The following NTRK3 variants were observed in gnomAD, a reference collection of about 807,000 sequenced individuals.
NTRK3 encodes NT-3 growth factor receptor.
In NTRK3, 24 loss-of-function variants were observed where a neutral mutation model predicts 91.7. The ratio of observed to expected loss-of-function variants is 0.26; its 90% confidence interval spans 0.19 to 0.37. The LOEUF is 0.37. Among genes scored for constraint, NTRK3 ranks in the 10% least tolerant of loss-of-function variants. The probability of loss-of-function intolerance (pLI) is 1.00; values close to 1 mark genes in which losing one functional copy is unlikely to be tolerated. For missense variants in NTRK3, 880 were observed against 1,068.9 expected, an observed-to-expected ratio of 0.82 and a Z score of 2.46; for synonymous variants, 483 against 404.0, an observed-to-expected ratio of 1.20 and a Z score of -2.34.
At chr15:88,123,775 GT>G (rs1490277461) in intron 13 of NTRK3, among the ~76,000 whole-genome samples, 1 of 152,202 alleles carries the variant, frequency 6.6e-6, no homozygotes, top group African/African-American at 2.4e-5. Flanking sequence ...TTGGCAATTG[GT>G]TGAAAGAGTT....
intron 14 of NTRK3, among the ~76,000 whole-genome samples, chr15:88,024,470 G>T (rs2077859036): frequency 6.6e-6 from 1 of 152,154 alleles, no homozygotes; most frequent in South Asian, 2.1e-4. Flanking sequence ...CTGACTGAAG[G>T]AGTAAAAGAG....
intron 13 of NTRK3, among the ~76,000 whole-genome samples, chr15:88,053,243 G>A (rs1422325892): frequency 6.6e-6 from 1 of 152,206 alleles, no homozygotes; most frequent in Non-Finnish European, 1.5e-5. Context: ...AGAGAGTAAT[G>A]AGGCTAATTT....
intron 13 of NTRK3, among the ~76,000 whole-genome samples, chr15:88,115,135 G>C (rs572851223): frequency 4.0e-4 from 61 of 152,188 alleles, no homozygotes; most frequent in African/African-American, 1.4e-3. Flanking sequence ...TTCCAGAAAG[G>C]CTACCCCATT....
rs914780802 is a variant in NTRK3, at chr15:88,142,317, G to A, written c.465-4756C>T. ...AGGCAGTCGCATTAATAATACAGCA[G>A]CAGCTGCTGCAAGGCAAAGCTTACC... On this transcript the variant is annotated intron_variant, in intron 6 of 18. Transcript: ENST00000394480. Among the ~76,000 whole-genome samples the A allele has an allele frequency of 3.9e-5, 6 of 152,364 alleles. No individual in the cohort carries two copies. In the East Asian group the frequency reaches 1.2e-3, roughly 29 times the overall value.
At chr15:87,873,662 T>C (rs952251119) in exon 19 of NTRK3, 1 of 231,820 alleles carries the variant, frequency 4.3e-6, no homozygotes, top group Admixed American at 5.6e-5. Flanking sequence ...TATTGGCTAA[T>C]AGGATGTCAT....
chr15:87,880,503 C>T, intron 17 of NTRK3, 75 bp from the exon 19 acceptor site: 1 of 1,458,782 alleles, frequency 6.9e-7, no homozygotes, highest in Non-Finnish European at 9.5e-7. Context: ...GCACTCTTCA[C>T]ACATAGATGC....
chr15:88,201,321 T>C (rs1233691516), intron 3 of NTRK3, among the ~76,000 whole-genome samples: 1 of 152,166 alleles, frequency 6.6e-6, no homozygotes, highest in Non-Finnish European at 1.5e-5. Context: ...TCAAAATGAC[T>C]AAAAGCTGCA....
chr15:87,905,517 T>C lies in NTRK3; in HGVS notation c.2133+23674A>G, dbSNP rs2066713831. Reference sequence around the variant, plus strand: ...AAATGCAACATTACACAGTGATATTTAGGTTAAATATAACCATCATATCTG... The same window carrying C: ...AAATGCAACATTACACAGTGATATTCAGGTTAAATATAACCATCATATCTG... On this transcript the variant is annotated intron_variant, in intron 17 of 18. Transcript: ENST00000394480. 2.6e-5 allele frequency among the ~76,000 whole-genome samples: 4 copies of C among 152,332 alleles called. No individual in the cohort carries two copies. The South Asian group carries it at 8.3e-4, about 32-fold the overall frequency.
chr15:88,050,530 T>TTTGTATAGAAAGCATAGCTGAG (rs1197714771), intron 13 of NTRK3, among the ~76,000 whole-genome samples: 5 of 150,456 alleles, frequency 3.3e-5, no homozygotes, highest in African/African-American at 1.2e-4. Flanking sequence ...TGTGTGTGTG[T>TTTGTATAGAAAGCATAGCTGAG]TTGTATAGAA....
At chr15:88,256,230 G>A (rs2142092153) in intron 2 of NTRK3, 54 bp downstream of exon 2, 1 of 388,808 alleles carries the variant, frequency 2.6e-6, no homozygotes, top group East Asian at 7.3e-5. Context: ...AGAGCAGGGG[G>A]GGAAGGAAAC....
At chr15:88,029,683 T>A (rs2078359479) in intron 14 of NTRK3, among the ~76,000 whole-genome samples, 3 of 152,228 alleles carry the variant, frequency 2.0e-5, no homozygotes, top group Non-Finnish European at 4.4e-5. Context: ...TTCCTGGTTC[T>A]TGCCATCCCC....
chr15:87,950,766 G>A (rs2071033922), intron 14 of NTRK3, among the ~76,000 whole-genome samples: 1 of 152,164 alleles, frequency 6.6e-6, no homozygotes, highest in African/African-American at 2.4e-5. Context: ...GTTCGGGAAG[G>A]AATATGCCAA....
At chr15:88,032,429 G>T (rs985759348) in intron 14 of NTRK3, among the ~76,000 whole-genome samples, 1 of 152,126 alleles carries the variant, frequency 6.6e-6, no homozygotes, top group Admixed American at 6.6e-5. Flanking sequence ...CCATTCAAAG[G>T]TACTCACTGC....
chr15:88,091,613 A>G (rs895066437), intron 13 of NTRK3, among the ~76,000 whole-genome samples: 2 of 152,204 alleles, frequency 1.3e-5, no homozygotes, highest in Non-Finnish European at 2.9e-5. Context: ...CCATGGGCAC[A>G]AGGGTAGGGA....
At chr15:87,902,752 C>T (rs1350677961) in intron 17 of NTRK3, among the ~76,000 whole-genome samples, 2 of 152,100 alleles carry the variant, frequency 1.3e-5, no homozygotes, top group South Asian at 2.1e-4. Context: ...CTAGAAAATT[C>T]GACTCTCAAG....
At chr15:88,109,407 G>A (rs1007241799) in intron 13 of NTRK3, among the ~76,000 whole-genome samples, 1 of 152,184 alleles carries the variant, frequency 6.6e-6, no homozygotes, top group Non-Finnish European at 1.5e-5. Context: ...CTGACATTAA[G>A]CAAGGAGCTC....
chr15:88,111,668 T>C (rs1371386897), intron 13 of NTRK3, among the ~76,000 whole-genome samples: 1 of 152,162 alleles, frequency 6.6e-6, no homozygotes, highest in Non-Finnish European at 1.5e-5. Flanking sequence ...ACTAAGAGCA[T>C]GTGGCTTGGA....
In NTRK3 at chr15:87,901,759, T is replaced by TG. The variant is rs869082319; in HGVS notation, c.2134-21332dup. ...AAAGGAAGAAAGGAAGGAGGAAAGT[T>TG]GGGGAGGGGGGGAGAGGGGGAGAAA... On this transcript the variant is annotated intron_variant, in intron 17 of 18. Transcript: ENST00000394480. 2.8e-3 allele frequency among the ~76,000 whole-genome samples: 355 copies of TG among 127,584 alleles called. 5 individuals are homozygous for TG. The highest frequency in any genetic ancestry group is 0.011 in the African/African-American group (334 of 30,418). 83.7% of individuals were successfully genotyped at this position (127,584 alleles called of 152,430 possible).
chr15:88,202,795 C>T (rs983073388), intron 3 of NTRK3, among the ~76,000 whole-genome samples: 4 of 152,208 alleles, frequency 2.6e-5, no homozygotes, highest in African/African-American at 9.7e-5. Flanking sequence ...TTGTTTCCCA[C>T]AAACGTGAGA....
Sources: gnomAD v4.1 joint callset for allele counts (sites outside exome capture counted in the v4.1 genomes callset) on GRCh38, gnomAD v4.1.1 for gene constraint, MANE v1.5 for transcripts, NCBI Gene and HGNC (gene_info 2026-07-23, HGNC 2026-07-21) for gene names.